The following PLB1 variants were observed in gnomAD, a reference collection of about 807,000 sequenced individuals.
PLB1 encodes phospholipase B1.
A neutral mutation model predicts 227.4 loss-of-function variants in PLB1; 242 were observed. The observed-to-expected ratio is 1.06, with a 90% confidence interval of 0.96 to 1.18. The LOEUF (loss-of-function observed/expected upper bound fraction) is 1.18. Ranked by LOEUF, PLB1 falls within the 50% of genes most tolerant of loss-of-function variation. PLB1 has a pLI of 0.00. For synonymous variants in PLB1, 757 were observed against 682.2 expected (o/e 1.11, Z -1.71); for missense variants, 1,858 against 1,816.3 (o/e 1.02, Z -0.42).
intron 20 of PLB1, among the ~76,000 whole-genome samples, chr2:28,568,936 A>C (rs1346615074): frequency 6.6e-6 from 1 of 152,046 alleles, no homozygotes; most frequent in Non-Finnish European, 1.5e-5. Context: ...TCTACCTCCT[A>C]GGGAAGCTGC....
rs1199312047 is a variant in PLB1, at chr2:28,571,138, T to C, written c.1325-2059T>C. On this transcript the variant is annotated intron_variant, in intron 20 of 57. Transcript: ENST00000327757. ...GCTAATGAGTTCAGTGATTGCAAGGTACAAATCAATATACAAAAATCAATT... is the reference window on the plus strand; with the variant it reads ...GCTAATGAGTTCAGTGATTGCAAGGCACAAATCAATATACAAAAATCAATT... Among the ~76,000 whole-genome samples the C allele has an allele frequency of 3.3e-5, 5 of 152,144 alleles. No individual in the cohort carries two copies. The East Asian group carries it at 9.6e-4, about 29-fold the overall frequency.
intron 5 of PLB1, 92 bp downstream of exon 5, chr2:28,525,399 A>G: frequency 7.1e-7 from 1 of 1,398,754 alleles, no homozygotes. Flanking sequence ...ATTGGAGGCC[A>G]GGGAGGCTCA....
chr2:28,577,248 A>C (rs1264165218), intron 21 of PLB1, among the ~76,000 whole-genome samples: 1 of 152,198 alleles, frequency 6.6e-6, no homozygotes, highest in East Asian at 1.9e-4. Context: ...GTTCCCATCT[A>C]CTGGTCCCAG....
chr2:28,641,735 C>G (rs1363719538), intron 57 of PLB1, among the ~76,000 whole-genome samples: 1 of 152,188 alleles, frequency 6.6e-6, no homozygotes, highest in Non-Finnish European at 1.5e-5. Context: ...CCTCGCCACA[C>G]CCACTGCCCT....
rs200448860 is a variant in PLB1, at chr2:28,601,580, T to C, written c.2607+248T>C. 9.2e-5 allele frequency among the ~76,000 whole-genome samples: 14 copies of C among 152,238 alleles called. No individual in the cohort carries two copies. The East Asian group carries it at 2.7e-3, about 29-fold the overall frequency. On this transcript the variant is annotated intron_variant, in intron 37 of 57. Transcript: ENST00000327757. ...GAGGTAGCAGGTGGCAGATATATGG[T>C]ATTTCTACTCCTCTCTCTTATAACT...
intron 6 of PLB1, among the ~76,000 whole-genome samples, chr2:28,527,405 G>A (rs1004961806): frequency 6.6e-6 from 1 of 152,224 alleles, no homozygotes; most frequent in African/African-American, 2.4e-5. Flanking sequence ...GGCTGAGCCA[G>A]CAGGAGGAGC....
intron 1 of PLB1, among the ~76,000 whole-genome samples, chr2:28,497,438 T>C (rs1666585941): frequency 6.6e-6 from 1 of 151,866 alleles, no homozygotes; most frequent in South Asian, 2.1e-4. Flanking sequence ...AGGGAAATCT[T>C]CAGATCTGCT....
intron 56 of PLB1, among the ~76,000 whole-genome samples, chr2:28,638,189 G>A (rs934030575): frequency 1.3e-5 from 2 of 151,836 alleles, no homozygotes; most frequent in Non-Finnish European, 2.9e-5. Context: ...CACATCTGTG[G>A]TTTAAGAAAA....
At chr2:28,519,120 G>A (rs1174548418) in intron 3 of PLB1, among the ~76,000 whole-genome samples, 3 of 152,188 alleles carry the variant, frequency 2.0e-5, no homozygotes, top group African/African-American at 7.2e-5. Context: ...GATCTATAAC[G>A]TGACCAGGGA....
rs1277264940 is a variant in PLB1 at position 28,528,299 on chromosome 2, G to C, written c.326-1018G>C. On this transcript the variant is annotated intron_variant, in intron 6 of 57. Transcript: ENST00000327757. ...ATGGGGCAAAAAGAAAGGGGAGTTG[G>C]GGGGAGGAGTGGAGGCATCTGCCTC... 2.6e-5 allele frequency among the ~76,000 whole-genome samples: 4 copies of C among 152,156 alleles called. No individual in the cohort carries two copies. In the East Asian group the frequency reaches 7.7e-4, roughly 29 times the overall value.
chr2:28,504,095 G>C (rs112580928), intron 1 of PLB1, among the ~76,000 whole-genome samples: 1 of 152,136 alleles, frequency 6.6e-6, no homozygotes, highest in South Asian at 2.1e-4. Flanking sequence ...TTCTCAACCA[G>C]TATCTCTTGA....
At chr2:28,572,512 A>G (rs746245113) in intron 20 of PLB1, among the ~76,000 whole-genome samples, 5 of 152,238 alleles carry the variant, frequency 3.3e-5, no homozygotes, top group Non-Finnish European at 7.3e-5. Context: ...AGCCCCATCA[A>G]CTGAAGAATG....
intron 25 of PLB1, among the ~76,000 whole-genome samples, chr2:28,583,203 T>TG (rs1680343219): frequency 6.6e-6 from 1 of 151,882 alleles, no homozygotes; most frequent in African/African-American, 2.4e-5. Flanking sequence ...TTTTTTTTTT[T>TG]GAGACAGGGT....
chr2:28,512,920 C>G (rs1668447469), intron 1 of PLB1, among the ~76,000 whole-genome samples: 1 of 152,180 alleles, frequency 6.6e-6, no homozygotes, highest in Admixed American at 6.5e-5. Flanking sequence ...GCACATACAT[C>G]AATTTCCAGT....
intron 29 of PLB1, among the ~76,000 whole-genome samples, chr2:28,590,734 G>A (rs574742687): frequency 2.3e-4 from 35 of 152,196 alleles, no homozygotes; most frequent in Non-Finnish European, 3.5e-4. Context: ...TGGGCAGGAA[G>A]GGGCCCTGGT....
chr2:28,595,926 T>A (rs1682832372), intron 33 of PLB1: 1 of 152,166 alleles, frequency 6.6e-6, no homozygotes. Context: ...GATTCTGTAG[T>A]GAACGGTTCC....
At chr2:28,614,198 T>C in intron 44 of PLB1, 102 bp downstream of exon 44, 11 of 1,133,614 alleles carry the variant, frequency 9.7e-6, no homozygotes, top group Non-Finnish European at 1.5e-5. Context: ...GAAGCAGAAA[T>C]GTACTTCTTA....
rs1196575691 is a variant in PLB1, at chr2:28,642,966, C to T, written c.4282C>T (p.Leu1428Phe). The T allele has an allele frequency of 8.1e-6, 13 of 1,610,004 alleles. No individual in the cohort carries two copies. The highest frequency in any genetic ancestry group is 1.1e-5 in the Non-Finnish European group (13 of 1,178,538). ...TGTCCCAGTGGCAGCGGGAGTCGGC[C>T]TTGTGGTGGGCATCATCGGGACAGT... The part of the protein sequence containing the change: ...WAVPVAAGVG[L>F]VVGIIGTVVW... Residue 1428 changes from leucine (L) to phenylalanine (F), a missense_variant, in exon 58 of 58, where the codon CTT (leucine) becomes TTT (phenylalanine). Transcript: ENST00000327757.
Position 28,522,530 on chromosome 2 carries a change from C to T in PLB1, c.244-2737C>T, listed in dbSNP as rs542368465. On this transcript the variant is annotated intron_variant, in intron 4 of 57. Transcript: ENST00000327757. ...GTCTGTGCACACCGATATTTACATC[C>T]CAGAGCCCAGGATGTGGGACACACT... Among the ~76,000 whole-genome samples, 6 of 152,274 alleles carry T rather than the reference C, an allele frequency of 3.9e-5. No individual in the cohort carries two copies. The South Asian group carries it at 8.3e-4, about 21-fold the overall frequency.
Sources: allele counts gnomAD v4.1 joint callset (sites outside exome capture counted in the v4.1 genomes callset), GRCh38; gene constraint gnomAD v4.1.1; transcripts MANE v1.5; gene names NCBI Gene and HGNC (gene_info 2026-07-23, HGNC 2026-07-21).